MAGI1: variants seen among roughly 807,000 people sequenced by gnomAD.
The protein encoded by MAGI1 is membrane-associated guanylate kinase, WW and PDZ domain-containing protein 1.
MAGI1 carries 58 observed loss-of-function variants against 139.9 expected under a neutral mutation model. The observed-to-expected ratio is 0.41, with a 90% CI of 0.34 to 0.52. MAGI1 has a LOEUF of 0.52. MAGI1 is among the 20% of genes least tolerant of loss of function. The pLI is 0.12. For missense variants in MAGI1, 1,874 were observed against 1,901.6 expected, an observed-to-expected ratio of 0.99 and a Z score of 0.27; for synonymous variants, 812 against 737.9, an observed-to-expected ratio of 1.10 and a Z score of -1.63.
chr3:65,550,409 C>A (rs2079764023), intron 2 of MAGI1, among the ~76,000 whole-genome samples: 2 of 152,144 alleles, frequency 1.3e-5, no homozygotes, highest in African/African-American at 4.8e-5. Flanking sequence ...GCATCACACC[C>A]TTTTGAGTTC....
At chr3:65,492,086 C>A (rs1193135463) in intron 3 of MAGI1, among the ~76,000 whole-genome samples, 1 of 152,120 alleles carries the variant, frequency 6.6e-6, no homozygotes, top group African/African-American at 2.4e-5. Context: ...TGTATTTACC[C>A]TTTATGTTTA....
chr3:65,506,309 T>C (rs1400695216), intron 2 of MAGI1, among the ~76,000 whole-genome samples: 1 of 152,166 alleles, frequency 6.6e-6, no homozygotes, highest in African/African-American at 2.4e-5. Context: ...GGTCATAATA[T>C]GCATTAACCA....
chr3:65,926,161 T>C (rs1042118262), intron 1 of MAGI1, among the ~76,000 whole-genome samples: 2 of 152,232 alleles, frequency 1.3e-5, no homozygotes, highest in Non-Finnish European at 2.9e-5. Flanking sequence ...AAGTCATTTT[T>C]TAACTTCAAT....
intron 1 of MAGI1, among the ~76,000 whole-genome samples, chr3:65,910,507 A>G (rs1214043439): frequency 1.3e-5 from 2 of 152,198 alleles, no homozygotes; most frequent in African/African-American, 2.4e-5. Context: ...TCCTGTTTAC[A>G]TACTAATCGA....
chr3:65,769,180 A>G (rs2107928545), intron 1 of MAGI1, among the ~76,000 whole-genome samples: 1 of 152,370 alleles, frequency 6.6e-6, no homozygotes, highest in East Asian at 1.9e-4. Context: ...TTCTGATGAC[A>G]AAAATAAATA....
At chr3:65,967,486 T>G (rs555250851) in intron 1 of MAGI1, among the ~76,000 whole-genome samples, 95 of 152,116 alleles carry the variant, frequency 6.2e-4, no homozygotes, top group Non-Finnish European at 1.1e-3. Flanking sequence ...CCAGTTAAAA[T>G]CTATAGGCCA....
At chr3:65,981,151 CAAA>C (rs11429632) in intron 1 of MAGI1, among the ~76,000 whole-genome samples, 2 of 129,350 alleles carry the variant, frequency 1.5e-5, no homozygotes, top group Non-Finnish European at 1.6e-5. Context: ...GACTCCATCT[CAAA>C]AAAAAAAAAA....
chr3:65,433,867 T>C (rs188936329), intron 10 of MAGI1, among the ~76,000 whole-genome samples: 3 of 152,252 alleles, frequency 2.0e-5, no homozygotes, highest in Admixed American at 2.0e-4. Flanking sequence ...AATGGCACTT[T>C]CCGTGATGAT....
intron 1 of MAGI1, chr3:65,844,217 G>A (rs2058906622): frequency 4.0e-6 from 2 of 493,998 alleles, no homozygotes; most frequent in Non-Finnish European, 8.0e-6. Context: ...TTTGGATATA[G>A]ATTCTCTGGT....
intron 1 of MAGI1, among the ~76,000 whole-genome samples, chr3:66,010,291 G>C (rs2067260814): frequency 6.6e-6 from 1 of 152,126 alleles, no homozygotes; most frequent in Non-Finnish European, 1.5e-5. Flanking sequence ...CTCAGGTACT[G>C]AGTGTGAGTC....
intron 1 of MAGI1, among the ~76,000 whole-genome samples, chr3:65,753,853 T>C (rs1311148487): frequency 6.6e-6 from 1 of 151,930 alleles, no homozygotes; most frequent in East Asian, 1.9e-4. Context: ...GAAAGAAAAG[T>C]AAAGTTGAAA....
chr3:65,582,731 C>T (rs2081496014), intron 2 of MAGI1, among the ~76,000 whole-genome samples: 1 of 152,156 alleles, frequency 6.6e-6, no homozygotes, highest in Non-Finnish European at 1.5e-5. Flanking sequence ...TCATGGAAGT[C>T]ACCTCAGCAG....
intron 1 of MAGI1, among the ~76,000 whole-genome samples, chr3:65,902,163 T>A (rs2061257029): frequency 6.6e-6 from 1 of 152,214 alleles, no homozygotes; most frequent in Admixed American, 6.5e-5. Flanking sequence ...TACAGGTTGG[T>A]ATTTTACTGC....
intron 1 of MAGI1, among the ~76,000 whole-genome samples, chr3:66,010,085 A>C (rs1415423847): frequency 1.4e-5 from 2 of 144,784 alleles, no homozygotes; most frequent in Non-Finnish European, 3.0e-5. Context: ...CTCAAAAAAA[A>C]AAAAAAAAAA....
intron 1 of MAGI1, among the ~76,000 whole-genome samples, chr3:65,693,537 C>A (rs1300401202): frequency 2.0e-5 from 3 of 152,226 alleles, no homozygotes; most frequent in Admixed American, 6.5e-5. Flanking sequence ...GAAATGCCCA[C>A]AATCATAATT....
intron 10 of MAGI1, among the ~76,000 whole-genome samples, chr3:65,436,621 C>G (rs1947873358): frequency 6.6e-6 from 1 of 152,156 alleles, no homozygotes; most frequent in South Asian, 2.1e-4. Context: ...AATATGTTGG[C>G]TAGACTCTTG....
intron 1 of MAGI1, among the ~76,000 whole-genome samples, chr3:65,819,137 AG>A (rs113868277): frequency 1.8e-3 from 269 of 152,174 alleles, no homozygotes; most frequent in African/African-American, 6.2e-3. Context: ...ATACAAAATT[AG>A]CGGGGTGTGT....
chr3:65,922,289 T>G (rs2062245614), intron 1 of MAGI1, among the ~76,000 whole-genome samples: 1 of 152,182 alleles, frequency 6.6e-6, no homozygotes, highest in Admixed American at 6.5e-5. Flanking sequence ...AAAGTTCATG[T>G]CCACCTGGAA....
chr3:65,533,312 C>T (rs561258492), intron 2 of MAGI1, among the ~76,000 whole-genome samples: 6 of 152,216 alleles, frequency 3.9e-5, no homozygotes, highest in Admixed American at 2.6e-4. Flanking sequence ...TGGTCACTGA[C>T]CCCAGGGGCT....
Sources: gnomAD v4.1 joint callset for allele counts (sites outside exome capture counted in the v4.1 genomes callset) on GRCh38, gnomAD v4.1.1 for gene constraint, MANE v1.5 for transcripts, NCBI Gene and HGNC (gene_info 2026-07-23, HGNC 2026-07-21) for gene names.